EPN3: variants seen among roughly 807,000 people sequenced by gnomAD.
EPN3 encodes epsin 3.
In EPN3, 56 loss-of-function variants were observed where a neutral mutation model predicts 55.5. The ratio of observed to expected loss-of-function variants is 1.01; its 90% CI spans 0.81 to 1.26. The LOEUF (loss-of-function observed/expected upper bound fraction) is 1.26, where lower values mean the gene tolerates loss of function less well. Among genes scored for constraint, EPN3 ranks in the 50% most tolerant of loss-of-function variants. The pLI, the probability that EPN3 is intolerant of heterozygous loss-of-function variation, is 0.00. For synonymous variants in EPN3, 449 were observed against 375.2 expected (o/e 1.20, Z -2.27); for missense variants, 927 against 853.4 (o/e 1.09, Z -1.07).
chr17:50,543,369 A>T lies in EPN3; in HGVS notation c.*1212A>T, dbSNP rs2034873525. The T allele has an allele frequency of 6.6e-6, 1 of 152,350 alleles. No homozygotes were observed. Among genetic ancestry groups the T allele is most frequent in the South Asian group, 2.1e-4 (1 of 4,834 alleles). The allele number at this position is 152,350 out of a possible 1,614,324, so 9.4% of individuals were successfully genotyped here. A position where few individuals can be genotyped will look rare whatever the true frequency, so the allele number is the denominator to read the frequency against. On this transcript the variant is annotated 3_prime_UTR_variant, in exon 10 of 10. Coordinates refer to ENST00000268933, the MANE Select transcript of EPN3 (RefSeq NM_017957.3). ...TGGGGTGAGGCCTGGTACTCAATCCAGGAGGGGCCCCTATGACCACCCTCG... is the reference window on the plus strand; with the variant it reads ...TGGGGTGAGGCCTGGTACTCAATCCTGGAGGGGCCCCTATGACCACCCTCG...
At position 50,542,797 on chromosome 17, in the gene EPN3, G is replaced by A. The variant is rs1428243008; in HGVS notation, c.*640G>A. 1 of 152,226 alleles carries A rather than the reference G, an allele frequency of 6.6e-6. No individual in the cohort carries two copies. Among genetic ancestry groups the A allele is most frequent in the Non-Finnish European group, 1.5e-5 (1 of 68,054 alleles). The allele number at this position is 152,226 out of a possible 1,614,324, so 9.4% of individuals were successfully genotyped here. ...CAAAATAAAAATGTAGGGGCTCCTT[G>A]TTCAAAATCGTATGAAGAATTTCAA... On this transcript the variant is annotated 3_prime_UTR_variant, in exon 10 of 10. Coordinates refer to ENST00000268933, the MANE Select transcript of EPN3 (RefSeq NM_017957.3).
chr17:50,540,006 C>T (rs1807185626), intron 5 of EPN3, among the ~76,000 whole-genome samples: 3 of 152,218 alleles, frequency 2.0e-5, no homozygotes, highest in Admixed American at 2.0e-4. Flanking sequence ...CTGGCTGGCT[C>T]ATCCATAAAA....
chr17:50,533,780 A>C (rs2034715441), intron 1 of EPN3, among the ~76,000 whole-genome samples: 1 of 148,354 alleles, frequency 6.7e-6, no homozygotes, highest in Non-Finnish European at 1.5e-5. Flanking sequence ...CCCTGCTCCC[A>C]TCCCCTCAGC....
At position 50,534,579 on chromosome 17, in the gene EPN3, T is replaced by TA. The variant is rs534425321; in HGVS notation, c.-137+1597dup. 1.8e-3 allele frequency: 1,821 copies of TA among 985,434 alleles called. 4 individuals are homozygous for TA. Among genetic ancestry groups the TA allele is most frequent in the Middle Eastern group, 9.4e-3 (18 of 1,914 alleles). 61.0% of individuals were successfully genotyped at this position (985,434 alleles called of 1,614,324 possible). ...CACTAGCAAGGGGGAGGGCAGGAGT[T>TA]AAACAAGTTGTGGCCGTGGCATTCC... On this transcript the variant is annotated intron_variant, in intron 1 of 9. Transcript: ENST00000268933.
chr17:50,542,222 C>G lies in EPN3; in HGVS notation c.*65C>G. ...CGCTCCGCGGCCCCGCCTCCGGACC[C>G]GGGGCTGGGCGGGGCGCCGGTGCTA... On this transcript the variant is annotated 3_prime_UTR_variant, in exon 10 of 10. Transcript: ENST00000268933. 1 of 1,387,728 alleles carries G rather than the reference C, an allele frequency of 7.2e-7. No individual in the cohort carries two copies. The highest frequency in any genetic ancestry group is 1.6e-5 in the South Asian group (1 of 64,080). 86.0% of individuals were successfully genotyped at this position (1,387,728 alleles called of 1,614,324 possible).
chr17:50,533,035 G>A (rs1171539626), intron 1 of EPN3, 50 bp downstream of exon 1: 2 of 1,155,438 alleles, frequency 1.7e-6, no homozygotes, highest in South Asian at 2.6e-5. Flanking sequence ...ATGGAAGGCG[G>A]GGGTTGGTGG....
At position 50,542,362 on chromosome 17, in the gene EPN3, G is replaced by C. The variant is rs1282055654; in HGVS notation, c.*205G>C. ...CCGCATAATAAAGACTGGAACCCTC[G>C]TTCTCAGCTCTCACCAAGTGGACTT... On this transcript the variant is annotated 3_prime_UTR_variant, in exon 10 of 10. Transcript: ENST00000268933. 5.8e-6 allele frequency: 3 copies of C among 520,678 alleles called. No individual in the cohort carries two copies. The African/African-American group carries it at 6.1e-5, about 11-fold the overall frequency. The allele number at this position is 520,678 out of a possible 1,614,324, so 32.3% of individuals were successfully genotyped here.
rs375774638 is a variant in EPN3, at chr17:50,540,226, G to C, written c.892-21G>C. On this transcript the variant is annotated intron_variant, in intron 5 of 9. Transcript: ENST00000268933. ...CAGGCCCCGCCCACTTCTGAGCCGC[G>C]GCTGCCTCTCCCCTCCACAGTCCTC... 8 of 1,607,682 alleles carry C rather than the reference G, an allele frequency of 5.0e-6. No homozygotes were observed. The African/African-American group carries it at 5.3e-5, about 11-fold the overall frequency.
Position 50,537,237 on chromosome 17 carries a change from C to T in EPN3, c.562+119C>T, listed in dbSNP as rs569583476. The T allele has an allele frequency of 1.4e-5, 15 of 1,098,674 alleles. No individual in the cohort carries two copies. In the African/African-American group the frequency reaches 2.2e-4, roughly 16 times the overall value. 68.1% of individuals were successfully genotyped at this position (1,098,674 alleles called of 1,614,324 possible). On this transcript the variant is annotated intron_variant, in intron 2 of 9. Transcript: ENST00000268933. ...CCGAGGGGTGTTATGAAGATTCAGA[C>T]ATAAGGAATGTAACACGCAAGGCGC...
intron 1 of EPN3, among the ~76,000 whole-genome samples, chr17:50,534,258 C>A (rs2034726003): frequency 6.6e-6 from 1 of 152,224 alleles, no homozygotes; most frequent in Admixed American, 6.5e-5. Flanking sequence ...CCCCCCAGCC[C>A]CTGCAGGGGT....
Position 50,541,353 on chromosome 17 carries a change from G to A in EPN3, c.1354+20G>A, listed in dbSNP as rs375117797. On this transcript the variant is annotated intron_variant, in intron 8 of 9. Transcript: ENST00000268933. The stretch of plus-strand genomic sequence containing the variant: ...CTGTGGGTGAGCAGGGCAAGGGGAT[G>A]GTGAGGCTCTGGGGAATGAGGGGCC... 6.5e-5 allele frequency: 104 copies of A among 1,610,336 alleles called. No homozygotes were observed. The African/African-American group carries it at 1.0e-3, about 16-fold the overall frequency.
chr17:50,532,823 G>A lies in EPN3; in HGVS notation c.-299G>A. Reference sequence around the variant, plus strand: ...GGACCCTGCCGCTGCCCCTCTGAGGGGTCTGCACCTCCTGGGAGCAGGTGG... The same window carrying A: ...GGACCCTGCCGCTGCCCCTCTGAGGAGTCTGCACCTCCTGGGAGCAGGTGG... On this transcript the variant is annotated 5_prime_UTR_variant, in exon 1 of 10. Coordinates refer to ENST00000268933, the MANE Select transcript of EPN3 (RefSeq NM_017957.3). 1 of 1,197,116 alleles carries A rather than the reference G, an allele frequency of 8.4e-7. No individual in the cohort carries two copies. The highest frequency in any genetic ancestry group is 1.3e-5 in the South Asian group (1 of 78,132). The allele number at this position is 1,197,116 out of a possible 1,614,324, so 74.2% of individuals were successfully genotyped here. A position where few individuals can be genotyped will look rare whatever the true frequency, so the allele number is the denominator to read the frequency against.
Position 50,534,575 on chromosome 17 carries a change from G to A in EPN3, c.-137+1590G>A, listed in dbSNP as rs545497119. ...GAGTCACTAGCAAGGGGGAGGGCAG[G>A]AGTTAAACAAGTTGTGGCCGTGGCA... On this transcript the variant is annotated intron_variant, in intron 1 of 9. Coordinates refer to ENST00000268933, the MANE Select transcript of EPN3 (RefSeq NM_017957.3). The A allele has an allele frequency of 4.5e-5, 44 of 985,510 alleles. No homozygotes were observed. The East Asian group carries it at 2.7e-3, about 61-fold the overall frequency. 61.0% of individuals were successfully genotyped at this position (985,510 alleles called of 1,614,324 possible).
rs1393911234 is a variant in EPN3, at chr17:50,533,760, C to A, written c.-137+775C>A. Among the ~76,000 whole-genome samples, 2 of 152,024 alleles carry A rather than the reference C, an allele frequency of 1.3e-5. 1 individual carries two copies. The highest frequency in any genetic ancestry group is 3.9e-4 in the East Asian group (2 of 5,156). ...CTCCGTGCCCCGTGGCCCATCCCAC[C>A]GCCTGCTGGCCCTGCTCCCATCCCC... is the stretch of plus-strand genomic sequence containing the variant. On this transcript the variant is annotated intron_variant, in intron 1 of 9. Coordinates refer to ENST00000268933, the MANE Select transcript of EPN3 (RefSeq NM_017957.3).
intron 2 of EPN3, 161 bp downstream of exon 2, chr17:50,537,279 G>T (rs1338464068): frequency 7.0e-6 from 5 of 712,320 alleles, no homozygotes; most frequent in African/African-American, 3.6e-5. Flanking sequence ...CGGCACATAG[G>T]AGGTGCTCAA....
chr17:50,542,118 GCCCCC>G lies in EPN3; in HGVS notation c.1861_1865del (p.Pro621AlafsTer165). ...CCACGCCGAGCTCAGCCGGGCCGCG[GCCCCC>G]GCCCCCGCAGACCGGCACCAACCCC... On this transcript the variant is annotated frameshift_variant, in exon 10 of 10. Coordinates refer to ENST00000268933, the MANE Select transcript of EPN3 (RefSeq NM_017957.3). LOFTEE classifies it high-confidence loss of function. 6.6e-7 allele frequency: 1 copy of G among 1,523,172 alleles called. No homozygotes were observed. Among genetic ancestry groups the G allele is most frequent in the East Asian group, 2.6e-5 (1 of 38,166 alleles). The allele number at this position is 1,523,172 out of a possible 1,614,324, so 94.4% of individuals were successfully genotyped here.
At chr17:50,533,392 CCT>C (rs551904265) in intron 1 of EPN3, among the ~76,000 whole-genome samples, 35 of 152,154 alleles carry the variant, frequency 2.3e-4, no homozygotes, top group Admixed American at 5.9e-4. Context: ...AAGCTCACCC[CCT>C]GTCCCTTACA....
intron 5 of EPN3, among the ~76,000 whole-genome samples, chr17:50,539,619 G>A (rs193161406): frequency 6.6e-6 from 1 of 152,212 alleles, no homozygotes; most frequent in African/African-American, 2.4e-5. Context: ...CTTCTGCACA[G>A]TGTGCTTATT....
In EPN3 at chr17:50,538,096, C is replaced by T. The variant is rs774659036; in HGVS notation, c.580C>T (p.Arg194Cys). Reference protein sequence around the residue: ...SSYNSSSSSPRYTSDLEQARP... With the variant: ...SSYNSSSSSPCYTSDLEQARP... The stretch of plus-strand genomic sequence containing the variant: ...CATTGCAGCCTCCTCTTCGTCACCC[C>T]GCTATACCTCCGACCTGGAGCAGGC... The change falls in exon 3 of 10, where the codon CGC (arginine) becomes TGC (cysteine). Residue 194 changes from arginine (R) to cysteine (C), a missense_variant. Transcript: ENST00000268933. The T allele has an allele frequency of 6.2e-6, 10 of 1,613,892 alleles. No individual in the cohort carries two copies. The highest frequency in any genetic ancestry group is 1.6e-4 in the Middle Eastern group (1 of 6,080).
Sources: allele counts gnomAD v4.1 joint callset (sites outside exome capture counted in the v4.1 genomes callset), GRCh38; gene constraint gnomAD v4.1.1; transcripts MANE v1.5; gene names NCBI Gene and HGNC (gene_info 2026-07-23, HGNC 2026-07-21).